Variants in SRGAP2 observed in about 807,000 individuals in gnomAD.
SRGAP2 encodes the protein SLIT-ROBO Rho GTPase-activating protein 2.
A neutral mutation model predicts 57.2 loss-of-function variants in SRGAP2; 15 were observed. The ratio of observed to expected loss-of-function variants is 0.26; its 90% CI spans 0.18 to 0.40. The LOEUF is 0.40. Ranked by LOEUF, SRGAP2 falls within the 10% of genes least tolerant of loss-of-function variation. The pLI, the probability that SRGAP2 is intolerant of heterozygous loss-of-function variation, is 1.00. For synonymous variants in SRGAP2, 249 were observed against 248.0 expected (o/e 1.00, Z -0.04); for missense variants, 520 against 669.6 (o/e 0.78, Z 2.47).
At chr1:206,226,896 C>T (rs1374195793) in intron 2 of SRGAP2, among the ~76,000 whole-genome samples, 16 of 151,896 alleles carry the variant, frequency 1.1e-4, no homozygotes, top group African/African-American at 3.9e-4. Context: ...CACCTTCCTC[C>T]TTCTTAGAAA....
intron 2 of SRGAP2, among the ~76,000 whole-genome samples, chr1:206,262,130 C>T (rs1669591693): frequency 6.9e-6 from 1 of 144,080 alleles, no homozygotes; most frequent in South Asian, 2.2e-4. Context: ...GAAGTTACTC[C>T]TCTGAGCTGG....
At chr1:206,241,308 C>T (rs1231639024) in intron 2 of SRGAP2, among the ~76,000 whole-genome samples, 16 of 152,198 alleles carry the variant, frequency 1.1e-4, no homozygotes, top group Non-Finnish European at 1.5e-4. Flanking sequence ...TACCATCAGA[C>T]GGGAGTGGCT....
chr1:206,359,796 C>CCCTTTTTTTTTTTTTT (rs1558345475), intron 4 of SRGAP2, among the ~76,000 whole-genome samples: 20 of 103,678 alleles, frequency 1.9e-4, no homozygotes, highest in African/African-American at 9.5e-4. Flanking sequence ...AGGGATATTG[C>CCCTTTTTTTTTTTTTT]TCTTTTTTTT....
In SRGAP2 at chr1:206,414,474, A is replaced by G. The variant is rs781932706; in HGVS notation, c.1357-1415A>G. Among the ~76,000 whole-genome samples, 65 of 152,172 alleles carry G rather than the reference A, an allele frequency of 4.3e-4. 1 individual carries two copies. The highest frequency in any genetic ancestry group is 6.5e-4 in the Non-Finnish European group (44 of 68,020). On this transcript the variant is annotated intron_variant, in intron 10 of 22. Transcript: ENST00000573034. ...TATTACCATTTAAAATGGTGCATCC[A>G]CCTATCTACCTCAGTGATCTCATAT...
chr1:206,421,313 A>C (rs1553364268), intron 13 of SRGAP2, 39 bp downstream of exon 13: 1 of 764,234 alleles, frequency 1.3e-6, no homozygotes, highest in Admixed American at 1.8e-5. Context: ...CTGGCCTGAA[A>C]ATATAGTCCA....
At chr1:206,455,389 T>C in intron 21 of SRGAP2, 1 of 268,134 alleles carries the variant, frequency 3.7e-6, no homozygotes, top group South Asian at 4.1e-5. Context: ...TGCCTTCTTT[T>C]TTCCAATCCA....
intron 2 of SRGAP2, chr1:206,206,547 G>C: frequency 6.4e-6 from 1 of 155,458 alleles, no homozygotes; most frequent in Non-Finnish European, 1.4e-5. Flanking sequence ...AATGGCATTG[G>C]CACCAAAAGT....
intron 2 of SRGAP2, among the ~76,000 whole-genome samples, chr1:206,229,645 A>G (rs550020903): frequency 1.4e-3 from 217 of 152,254 alleles, no homozygotes; most frequent in African/African-American, 4.9e-3. Flanking sequence ...AGGACTCTTC[A>G]GCAATTAACA....
intron 10 of SRGAP2, among the ~76,000 whole-genome samples, chr1:206,415,099 A>G (rs1361774212): frequency 6.6e-6 from 1 of 152,148 alleles, no homozygotes; most frequent in East Asian, 1.9e-4. Context: ...TAAAATGGAA[A>G]TGATGATGAT....
chr1:206,372,964 CCTT>C (rs1654760921), intron 4 of SRGAP2, among the ~76,000 whole-genome samples: 17 of 23,258 alleles, frequency 7.3e-4, no homozygotes, highest in South Asian at 1.9e-3. Context: ...TCTTTTCTTT[CCTT>C]TCTTTCTTTC....
chr1:206,373,117 T>C (rs868950102), intron 4 of SRGAP2, among the ~76,000 whole-genome samples: 3,187 of 125,980 alleles, frequency 0.025, 181 homozygotes, highest in African/African-American at 0.087. Flanking sequence ...TTTTTTTTTT[T>C]CTGAGTCTTG....
At chr1:206,449,447 C>CTTT (rs60880671) in intron 18 of SRGAP2, among the ~76,000 whole-genome samples, 1 of 138,786 alleles carries the variant, frequency 7.2e-6, no homozygotes. Flanking sequence ...TGCACACTGG[C>CTTT]TTTTTTTTTT....
intron 14 of SRGAP2, among the ~76,000 whole-genome samples, chr1:206,432,010 G>T (rs1661315202): frequency 6.6e-6 from 1 of 152,358 alleles, no homozygotes; most frequent in South Asian, 2.1e-4. Flanking sequence ...CATGTGCTAG[G>T]ATTGGATTTT....
intron 12 of SRGAP2, 123 bp downstream of exon 12, chr1:206,419,523 C>A: frequency 2.8e-6 from 2 of 713,918 alleles, no homozygotes; most frequent in Non-Finnish European, 5.2e-6. Context: ...AAAGCAATGG[C>A]CTGGGGCGGG....
At chr1:206,440,108 G>A in intron 17 of SRGAP2, 27 bp downstream of exon 17, 1 of 778,712 alleles carries the variant, frequency 1.3e-6, no homozygotes, top group Non-Finnish European at 2.4e-6. Flanking sequence ...GTGAACAGCT[G>A]GATCAGGCTT....
intron 3 of SRGAP2, among the ~76,000 whole-genome samples, chr1:206,318,594 G>C (rs1444838213): frequency 4.0e-4 from 61 of 151,562 alleles, no homozygotes; most frequent in African/African-American, 1.4e-3. Flanking sequence ...AAAGAAAAAA[G>C]GTTTGATTGG....
intron 4 of SRGAP2, among the ~76,000 whole-genome samples, chr1:206,343,588 TGG>T (rs1197830746): frequency 6.6e-6 from 1 of 150,492 alleles, no homozygotes; most frequent in African/African-American, 2.4e-5. Context: ...CTCAAAAGTG[TGG>T]TTATTCTTAT....
chr1:206,443,157 A>G (rs1553372670), intron 17 of SRGAP2, among the ~76,000 whole-genome samples: 1 of 152,242 alleles, frequency 6.6e-6, no homozygotes, highest in African/African-American at 2.4e-5. Context: ...CCTAACCACA[A>G]TGCTGAACCT....
intron 2 of SRGAP2, among the ~76,000 whole-genome samples, chr1:206,258,688 A>C (rs1459195294): frequency 1.8e-5 from 2 of 112,122 alleles, no homozygotes; most frequent in Admixed American, 9.4e-5. Context: ...GACAAGGTGA[A>C]TAGAAATAGG....
Sources: gnomAD v4.1 joint callset for allele counts (sites outside exome capture counted in the v4.1 genomes callset) on GRCh38, gnomAD v4.1.1 for gene constraint, MANE v1.5 for transcripts, NCBI Gene and HGNC (gene_info 2026-07-23, HGNC 2026-07-21) for gene names.